DAB1: variants seen among roughly 807,000 people sequenced by gnomAD.
DAB1 encodes the protein DAB adaptor protein 1, also known as disabled homolog 1.
A neutral mutation model predicts 64.6 loss-of-function variants in DAB1; 15 were observed. That is an observed-to-expected ratio of 0.23 (90% confidence interval 0.16 to 0.36). The LOEUF is 0.36. DAB1 is among the 10% of genes least tolerant of loss of function. The pLI is 1.00. For synonymous variants in DAB1, 235 were observed against 251.9 expected, an observed-to-expected ratio of 0.93 and a Z score of 0.64; for missense variants, 596 against 706.7, an observed-to-expected ratio of 0.84 and a Z score of 1.78.
intron 4 of DAB1, among the ~76,000 whole-genome samples, chr1:58,223,129 A>G (rs893310402): frequency 3.3e-5 from 5 of 152,120 alleles, no homozygotes; most frequent in Non-Finnish European, 5.9e-5. Context: ...ACCAGCACCA[A>G]TCTCAGGGCT....
In DAB1 at chr1:57,649,170, G is replaced by T. The variant is rs569481393; in HGVS notation, n.625+422C>A. Among the ~76,000 whole-genome samples the T allele has an allele frequency of 7.2e-5, 11 of 152,262 alleles. No homozygotes were observed. In the South Asian group the frequency reaches 2.1e-3, roughly 29 times the overall value. On this transcript the variant is annotated intron_variant and non_coding_transcript_variant, in intron 7 of 20. Transcript: ENST00000485760. ...TTGTTTGAGTTTATTTTCCACAGTTGAGAATAGTTTCCTCTGTTGGTAAAT... is the reference window on the plus strand; with the variant it reads ...TTGTTTGAGTTTATTTTCCACAGTTTAGAATAGTTTCCTCTGTTGGTAAAT...
chr1:57,832,785 G>T (rs1444718071), intron 1 of DAB1, among the ~76,000 whole-genome samples: 1 of 152,192 alleles, frequency 6.6e-6, no homozygotes, highest in Non-Finnish European at 1.5e-5. Flanking sequence ...TTATTCAAAG[G>T]ACTGAAGTGG....
At chr1:58,533,320 C>T (rs1255399229) in intron 1 of DAB1, among the ~76,000 whole-genome samples, 2 of 152,098 alleles carry the variant, frequency 1.3e-5, no homozygotes, top group East Asian at 1.9e-4. Flanking sequence ...AGTCCCAGTT[C>T]GGTTACTTTG....
chr1:57,096,586 T>G (rs1286474326), intron 4 of DAB1, among the ~76,000 whole-genome samples: 1 of 151,950 alleles, frequency 6.6e-6, no homozygotes, highest in Non-Finnish European at 1.5e-5. Context: ...CACTGGGCCC[T>G]GGCAAACTCA....
At chr1:57,260,783 ATCACTGCATGCAAGCAG>A (rs1292878584) in intron 2 of DAB1, among the ~76,000 whole-genome samples, 3 of 152,078 alleles carry the variant, frequency 2.0e-5, no homozygotes, top group Non-Finnish European at 4.4e-5. Flanking sequence ...ACCTTCCCCC[ATCACTGCATGCAAGCAG>A]GGCCTGGGCA....
intron 6 of DAB1, among the ~76,000 whole-genome samples, chr1:57,705,506 G>A (rs61768362): frequency 0.021 from 3,202 of 152,042 alleles, 59 homozygotes; most frequent in Middle Eastern, 0.051. Context: ...TTTTCTGTTG[G>A]ATTAGGTTTT....
chr1:57,709,945 C>T (rs981101794), intron 6 of DAB1, among the ~76,000 whole-genome samples: 32 of 152,088 alleles, frequency 2.1e-4, no homozygotes, highest in Non-Finnish European at 4.3e-4. Flanking sequence ...AAGTTTCCAG[C>T]TTGCTTTTCT....
At chr1:57,571,881 C>T (rs935213370) in intron 7 of DAB1, among the ~76,000 whole-genome samples, 5 of 152,288 alleles carry the variant, frequency 3.3e-5, no homozygotes, top group African/African-American at 7.2e-5. Context: ...CCCTCTTCAG[C>T]GGGAGAGAGC....
chr1:58,492,218 A>T (rs1490380045), intron 3 of DAB1, among the ~76,000 whole-genome samples: 1 of 152,234 alleles, frequency 6.6e-6, no homozygotes, highest in Non-Finnish European at 1.5e-5. Flanking sequence ...GAAACCAACG[A>T]GAACAAAGAC....
chr1:58,515,077 CT>C (rs1237368444), intron 2 of DAB1, among the ~76,000 whole-genome samples: 16 of 152,172 alleles, frequency 1.1e-4, no homozygotes, highest in Admixed American at 7.2e-4. Flanking sequence ...TCATTTCAGT[CT>C]CACATACCTC....
chr1:57,606,391 T>TATATATACAC (rs1491526140), intron 7 of DAB1, among the ~76,000 whole-genome samples: 1 of 126,432 alleles, frequency 7.9e-6, no homozygotes, highest in Non-Finnish European at 1.6e-5. Flanking sequence ...TATATATATA[T>TATATATACAC]ACACATTATA....
At chr1:57,597,032 G>A (rs575161820) in intron 7 of DAB1, among the ~76,000 whole-genome samples, 32 of 152,280 alleles carry the variant, frequency 2.1e-4, no homozygotes, top group Admixed American at 5.2e-4. Flanking sequence ...CCATCTGAAA[G>A]TGAGTGTTTA....
At position 58,082,771 on chromosome 1, in the gene DAB1, G is replaced by T. The variant is rs186923595; in HGVS notation, n.387+67740C>A. Among the ~76,000 whole-genome samples, 121 of 152,224 alleles carry T rather than the reference G, an allele frequency of 7.9e-4. 2 individuals are homozygous for T. The highest frequency in any genetic ancestry group is 1.9e-3 in the Admixed American group (29 of 15,292). On this transcript the variant is annotated intron_variant and non_coding_transcript_variant, in intron 5 of 20. Transcript: ENST00000485760. ...CTCATGCAGAGGGTTGCTGTAGCCG[G>T]CATCTGTGCAGAGGGGACAGGACAC...
chr1:57,262,007 C>A (rs573747632), intron 2 of DAB1, among the ~76,000 whole-genome samples: 1 of 151,954 alleles, frequency 6.6e-6, no homozygotes. Context: ...AGGAGTTTAC[C>A]GGTTGGAGGA....
intron 4 of DAB1, among the ~76,000 whole-genome samples, chr1:57,077,736 A>T (rs1042360507): frequency 7.2e-5 from 11 of 152,214 alleles, no homozygotes; most frequent in African/African-American, 2.7e-4. Flanking sequence ...AGCCAATTAA[A>T]TACAGTATGG....
At chr1:58,509,196 T>C (rs12072998) in intron 2 of DAB1, among the ~76,000 whole-genome samples, 27,038 of 151,906 alleles carry the variant, frequency 0.18, 2,536 homozygotes, top group Middle Eastern at 0.23. Flanking sequence ...AGGATGAAGA[T>C]AAATCTTCAG....
intron 5 of DAB1, among the ~76,000 whole-genome samples, chr1:58,037,135 C>T (rs1211683040): frequency 6.6e-6 from 1 of 152,144 alleles, no homozygotes; most frequent in African/African-American, 2.4e-5. Context: ...TGTCTCTCCC[C>T]CAAAGGCTAG....
In DAB1 at chr1:57,738,383, G is replaced by A. The variant is rs920011219; in HGVS notation, n.552-88718C>T. 3.3e-5 allele frequency among the ~76,000 whole-genome samples: 5 copies of A among 152,106 alleles called. No homozygotes were observed. The East Asian group carries it at 9.6e-4, about 29-fold the overall frequency. ...TCTAGCTGATTTATAGCGAGATATAGGTGGATGTGACAGCACTTTGTAACA... is the reference window on the plus strand; with the variant it reads ...TCTAGCTGATTTATAGCGAGATATAAGTGGATGTGACAGCACTTTGTAACA... On this transcript the variant is annotated intron_variant and non_coding_transcript_variant, in intron 6 of 20. Coordinates refer to the DAB1 transcript ENST00000485760.
intron 4 of DAB1, among the ~76,000 whole-genome samples, chr1:58,198,564 T>C (rs1159910636): frequency 2.0e-5 from 3 of 152,216 alleles, no homozygotes; most frequent in Admixed American, 2.0e-4. Flanking sequence ...GGTACATCAG[T>C]ACATTTTCCT....
Sources: gnomAD v4.1 joint callset for allele counts (sites outside exome capture counted in the v4.1 genomes callset) on GRCh38, gnomAD v4.1.1 for gene constraint, MANE v1.5 for transcripts, NCBI Gene and HGNC (gene_info 2026-07-23, HGNC 2026-07-21) for gene names.